The following WWOX variants were observed in gnomAD, a reference collection of about 807,000 sequenced individuals.
The protein encoded by WWOX is WW domain containing oxidoreductase.
In WWOX, 69 loss-of-function variants were observed where a neutral mutation model predicts 46.2. The observed-to-expected ratio is 1.49, with a 90% CI of 1.23 to 1.82. The LOEUF is 1.82. Among genes scored for constraint, WWOX ranks in the 40% most tolerant of loss-of-function variants. The pLI, the probability that WWOX is intolerant of heterozygous loss-of-function variation, is 0.00. For missense variants in WWOX, 919 were observed against 542.6 expected, an observed-to-expected ratio of 1.69 and a Z score of -6.89; for synonymous variants, 359 against 202.6, an observed-to-expected ratio of 1.77 and a Z score of -6.56.
chr16:79,009,252 C>G (rs2047254899), intron 8 of WWOX, among the ~76,000 whole-genome samples: 2 of 152,184 alleles, frequency 1.3e-5, no homozygotes, highest in South Asian at 4.1e-4. Flanking sequence ...GGTTTGGGCA[C>G]TATAGCCTTA....
At chr16:78,647,809 C>A (rs1395915617) in intron 8 of WWOX, among the ~76,000 whole-genome samples, 7 of 152,198 alleles carry the variant, frequency 4.6e-5, no homozygotes, top group African/African-American at 1.7e-4. Flanking sequence ...AACGTGTTAG[C>A]TAAGTCTGGT....
intron 8 of WWOX, among the ~76,000 whole-genome samples, chr16:78,842,288 A>G (rs1284762803): frequency 4.0e-5 from 6 of 151,156 alleles, no homozygotes. Context: ...GAGGCCAAGA[A>G]TTTGAGACCA....
chr16:78,627,389 G>C (rs1233617460), intron 8 of WWOX, among the ~76,000 whole-genome samples: 1 of 152,166 alleles, frequency 6.6e-6, no homozygotes, highest in Admixed American at 6.5e-5. Flanking sequence ...GGGCGATTCA[G>C]TTTTACCTGT....
chr16:78,838,085 G>A (rs1014688320), intron 8 of WWOX, among the ~76,000 whole-genome samples: 21 of 152,138 alleles, frequency 1.4e-4, no homozygotes, highest in African/African-American at 4.8e-4. Flanking sequence ...CTTCTGCTTT[G>A]TCTCTGGGGT....
At chr16:79,126,613 C>T (rs553733563) in intron 8 of WWOX, among the ~76,000 whole-genome samples, 140 of 152,246 alleles carry the variant, frequency 9.2e-4, no homozygotes, top group Middle Eastern at 6.8e-3. Flanking sequence ...GTCAATTAAA[C>T]CTCTTTCCTT....
intron 8 of WWOX, among the ~76,000 whole-genome samples, chr16:79,040,826 G>C (rs540182332): frequency 6.6e-6 from 1 of 151,992 alleles, no homozygotes; most frequent in Non-Finnish European, 1.5e-5. Context: ...GAGGAGCAAG[G>C]TTGTACTGGG....
chr16:78,164,111 G>A lies in WWOX; in HGVS notation c.410-72G>A, dbSNP rs1049725480. The A allele has an allele frequency of 2.9e-6, 4 of 1,395,008 alleles. No homozygotes were observed. The African/African-American group carries it at 4.2e-5, about 15-fold the overall frequency. 86.4% of individuals were successfully genotyped at this position (1,395,008 alleles called of 1,614,324 possible). A position where few individuals can be genotyped will look rare whatever the true frequency, so the allele number is the denominator to read the frequency against. On this transcript the variant is annotated intron_variant, in intron 4 of 8. Transcript: ENST00000566780. ...TTGGGGTAATTTAAGTGGTGCTCCGGTAAAGGCCATTCAACATGACTCACT... is the reference window on the plus strand; with the variant it reads ...TTGGGGTAATTTAAGTGGTGCTCCGATAAAGGCCATTCAACATGACTCACT...
At chr16:78,570,988 A>G (rs2044702356) in intron 8 of WWOX, among the ~76,000 whole-genome samples, 1 of 152,182 alleles carries the variant, frequency 6.6e-6, no homozygotes, top group Non-Finnish European at 1.5e-5. Flanking sequence ...AAGATTATTC[A>G]TTGCTGAAGA....
chr16:78,795,120 G>A (rs2050703414), intron 8 of WWOX, among the ~76,000 whole-genome samples: 1 of 152,088 alleles, frequency 6.6e-6, no homozygotes, highest in African/African-American at 2.4e-5. Context: ...AGGAGGTGAT[G>A]GTGATGATAT....
intron 4 of WWOX, among the ~76,000 whole-genome samples, chr16:78,153,043 C>T (rs1484978264): frequency 1.3e-5 from 2 of 152,128 alleles, no homozygotes; most frequent in Non-Finnish European, 2.9e-5. Flanking sequence ...TCTAGAGAGA[C>T]CTGTGTAGTT....
chr16:78,458,151 G>T (rs1037600202), intron 8 of WWOX, among the ~76,000 whole-genome samples: 2 of 151,740 alleles, frequency 1.3e-5, no homozygotes, highest in Non-Finnish European at 2.9e-5. Context: ...TCCCTCAGAT[G>T]TGAAGGTGTG....
intron 8 of WWOX, among the ~76,000 whole-genome samples, chr16:78,469,445 C>G (rs542826121): frequency 2.9e-4 from 44 of 152,260 alleles, no homozygotes; most frequent in African/African-American, 1.0e-3. Context: ...AACAAGGAGA[C>G]TAGTGTTCTG....
intron 8 of WWOX, among the ~76,000 whole-genome samples, chr16:78,733,950 G>T (rs932147171): frequency 1.1e-4 from 17 of 151,590 alleles, no homozygotes; most frequent in African/African-American, 3.4e-4. Flanking sequence ...GTCCCAGGTA[G>T]TTGGGAGGCT....
At chr16:78,860,039 C>G (rs536029796) in intron 8 of WWOX, among the ~76,000 whole-genome samples, 31 of 152,066 alleles carry the variant, frequency 2.0e-4, no homozygotes, top group African/African-American at 6.7e-4. Context: ...TTTTAGTTCT[C>G]AAAAGAAAAA....
At chr16:79,068,047 C>G (rs913425306) in intron 8 of WWOX, among the ~76,000 whole-genome samples, 12 of 151,790 alleles carry the variant, frequency 7.9e-5, no homozygotes, top group African/African-American at 2.7e-4. Flanking sequence ...CATGGTCAGT[C>G]TTTGGGGCTA....
At chr16:79,087,432 T>G (rs1025790830) in intron 8 of WWOX, among the ~76,000 whole-genome samples, 2 of 152,202 alleles carry the variant, frequency 1.3e-5, no homozygotes, top group African/African-American at 4.8e-5. Context: ...TTGGGTGGTT[T>G]GTAGGCAGCT....
chr16:78,478,543 C>T (rs895610099), intron 8 of WWOX, among the ~76,000 whole-genome samples: 1 of 152,118 alleles, frequency 6.6e-6, no homozygotes, highest in Non-Finnish European at 1.5e-5. Context: ...GCCTACTCTC[C>T]TCTCTCGAAG....
Position 78,208,691 on chromosome 16 carries a change from A to G in WWOX, c.516+44402A>G, listed in dbSNP as rs189175178. 7.3e-4 allele frequency among the ~76,000 whole-genome samples: 111 copies of G among 152,360 alleles called. 2 individuals are homozygous for G. The highest frequency in any genetic ancestry group is 7.1e-3 in the Admixed American group (108 of 15,302). ...ACTGTGTGCTGTAGCCAATAAAAGC[A>G]TAATAGAAAGAAATATAGTTTGAAG... is the stretch of plus-strand genomic sequence containing the variant. On this transcript the variant is annotated intron_variant, in intron 5 of 8. Coordinates refer to ENST00000566780, the MANE Select transcript of WWOX (RefSeq NM_016373.4).
chr16:79,153,576 C>T (rs924344052), intron 8 of WWOX, among the ~76,000 whole-genome samples: 16 of 152,112 alleles, frequency 1.1e-4, no homozygotes, highest in African/African-American at 3.9e-4. Context: ...CTAATAATAC[C>T]TGCACACAAT....
Sources: allele counts gnomAD v4.1 joint callset (sites outside exome capture counted in the v4.1 genomes callset), GRCh38; gene constraint gnomAD v4.1.1; transcripts MANE v1.5; gene names NCBI Gene and HGNC (gene_info 2026-07-23, HGNC 2026-07-21).